The following LRRC70 variants were observed in gnomAD, a reference collection of about 807,000 sequenced individuals.
LRRC70 encodes leucine-rich repeat-containing protein 70.
In LRRC70, 31 loss-of-function variants were observed where a neutral mutation model predicts 42.4. The observed-to-expected ratio is 0.73, with a 90% CI of 0.55 to 0.99. The LOEUF (loss-of-function observed/expected upper bound fraction) is 0.99. Ranked by LOEUF, LRRC70 falls within the 50% of genes least tolerant of loss-of-function variation. The pLI is 0.00. For missense variants in LRRC70, 643 were observed against 707.5 expected, an observed-to-expected ratio of 0.91 and a Z score of 1.03; for synonymous variants, 270 against 262.9, an observed-to-expected ratio of 1.03 and a Z score of -0.26.
rs1429133966 is a variant in LRRC70, at chr5:62,579,941, T to A, written c.503T>A (p.Leu168His). 5.2e-6 allele frequency: 8 copies of A among 1,551,218 alleles called. No homozygotes were observed. Among genetic ancestry groups the A allele is most frequent in the Non-Finnish European group, 7.0e-6 (8 of 1,146,756 alleles). The change falls in exon 2 of 2, where the codon CTC becomes CAC. Residue 168 changes from leucine to histidine, a missense_variant. Leu to His is a moderately conservative substitution (Grantham distance 99, BLOSUM62 -3). Transcript: ENST00000334994. ...TACTTAAATCTACAAAGGAATCGCC[T>A]CACTGTCCTTGGGAGTGGTACCTTT... ...VQYLNLQRNR[L>H]TVLGSGTFVG... is the part of the protein sequence containing the mutation.
chr5:62,580,043 A>C lies in LRRC70; in HGVS notation c.605A>C (p.His202Pro). 1.3e-6 allele frequency: 2 copies of C among 1,551,258 alleles called. No individual in the cohort carries two copies. Among genetic ancestry groups the C allele is most frequent in the South Asian group, 1.2e-5 (1 of 84,058 alleles). Residue 202 changes from histidine to proline, a missense_variant, in exon 2 of 2, where the codon CAT becomes CCT. His to Pro is a moderately conservative substitution (Grantham distance 77). Transcript: ENST00000334994. Reference sequence around the variant, plus strand: ...AGGATATCAGAATCAGGCTTTCAACATCTTGAAAACCTTGCTTGTTTGTAT... The same window carrying C: ...AGGATATCAGAATCAGGCTTTCAACCTCTTGAAAACCTTGCTTGTTTGTAT... ...ILRISESGFQHLENLACLYLG... is the reference protein window; with the variant it reads ...ILRISESGFQPLENLACLYLG...
Position 62,580,600 on chromosome 5 carries a change from C to T in LRRC70, c.1162C>T (p.Pro388Ser). Reference protein sequence around the residue: ...AITLNIYCQNPPSMRGRALRY... With the variant: ...AITLNIYCQNSPSMRGRALRY... ...TACTCTAAACATCTATTGTCAGAATCCCCCATCCATGCGTGGCAGAGCATT... is the reference window on the plus strand; with the variant it reads ...TACTCTAAACATCTATTGTCAGAATTCCCCATCCATGCGTGGCAGAGCATT... The change falls in exon 2 of 2, where the codon CCC (proline) becomes TCC (serine). Residue 388 changes from proline (P) to serine (S), a missense_variant. Coordinates refer to ENST00000334994, the MANE Select transcript of LRRC70 (RefSeq NM_181506.5). The T allele has an allele frequency of 6.4e-7, 1 of 1,551,420 alleles. No individual in the cohort carries two copies. Among genetic ancestry groups the T allele is most frequent in the Non-Finnish European group, 8.7e-7 (1 of 1,146,810 alleles).
At position 62,580,735 on chromosome 5, in the gene LRRC70, G is replaced by C; in HGVS notation, c.1297G>C (p.Ala433Pro). Reference sequence around the variant, plus strand: ...TCACAAGACTACTGCGCTAATGATGGCCTGGCATAAAGTAACCACAAATGG... The same window carrying C: ...TCACAAGACTACTGCGCTAATGATGCCCTGGCATAAAGTAACCACAAATGG... Reference protein sequence around the residue: ...IHHKTTALMMAWHKVTTNGSP... With the variant: ...IHHKTTALMMPWHKVTTNGSP... The change falls in exon 2 of 2, where the codon GCC (alanine) becomes CCC (proline). Residue 433 changes from alanine (A) to proline (P), a missense_variant. Ala to Pro is a conservative substitution (Grantham distance 27). Transcript: ENST00000334994. 6.4e-7 allele frequency: 1 copy of C among 1,551,384 alleles called. No individual in the cohort carries two copies. Among genetic ancestry groups the C allele is most frequent in the Non-Finnish European group, 8.7e-7 (1 of 1,146,818 alleles).
Position 62,579,935 on chromosome 5 carries a change from A to G in LRRC70, c.497A>G (p.Asn166Ser), listed in dbSNP as rs1561371473. ...VSVQYLNLQR[N>S]RLTVLGSGTF... ...GTTCAGTACTTAAATCTACAAAGGA[A>G]TCGCCTCACTGTCCTTGGGAGTGGT... The change falls in exon 2 of 2, where the codon AAT (asparagine) becomes AGT (serine). Residue 166 changes from asparagine (N) to serine (S), a missense_variant. Physicochemically the swap from Asn to Ser is conservative, Grantham distance 46 (BLOSUM62 1). Transcript: ENST00000334994. 2.1e-5 allele frequency: 32 copies of G among 1,551,196 alleles called. No homozygotes were observed. Among genetic ancestry groups the G allele is most frequent in the Non-Finnish European group, 2.7e-5 (31 of 1,146,766 alleles).
At position 62,580,641 on chromosome 5, in the gene LRRC70, T is replaced by A; in HGVS notation, c.1203T>A (p.Ile401=). ...MRGRALRYIN[I]TNCVTSSINV... ...GCAGAGCATTACGTTATATTAACAT[T>A]ACAAATTGTGTTACATCTTCAATAA... The change falls in exon 2 of 2, where the codon ATT becomes ATA. Residue 401 remains isoleucine, a synonymous_variant. Transcript: ENST00000334994. 6.4e-7 allele frequency: 1 copy of A among 1,551,486 alleles called. No homozygotes were observed. The highest frequency in any genetic ancestry group is 2.4e-5 in the East Asian group (1 of 40,908).
At position 62,581,348 on chromosome 5, in the gene LRRC70, A is replaced by C; in HGVS notation, c.*41A>C. 7.0e-7 allele frequency: 1 copy of C among 1,420,316 alleles called. No homozygotes were observed. The highest frequency in any genetic ancestry group is 9.3e-7 in the Non-Finnish European group (1 of 1,078,234). 88.0% of individuals were successfully genotyped at this position (1,420,316 alleles called of 1,614,324 possible). A position where few individuals can be genotyped will look rare whatever the true frequency, so the allele number is the denominator to read the frequency against. Reference sequence around the variant, plus strand: ...TCTATAAGAAACTTCAGTGCCATGGACATGATTTAAACTGAAACCTCCTTA... The same window carrying C: ...TCTATAAGAAACTTCAGTGCCATGGCCATGATTTAAACTGAAACCTCCTTA... On this transcript the variant is annotated 3_prime_UTR_variant, in exon 2 of 2. Transcript: ENST00000334994.
In LRRC70 at chr5:62,579,798, C is replaced by T. The variant is rs746816763; in HGVS notation, c.360C>T (p.Ile120=). The change falls in exon 2 of 2, where the codon ATC becomes ATT. Residue 120 remains isoleucine, a synonymous_variant. Coordinates refer to ENST00000334994, the MANE Select transcript of LRRC70 (RefSeq NM_181506.5). ...LYFLFLNNNF[I]KRLDPGIFKG... The stretch of plus-strand genomic sequence containing the variant: ...TTCTATTTCTAAATAATAATTTCAT[C>T]AAACGCTTAGATCCTGGAATATTTA... 16 of 1,543,566 alleles carry T rather than the reference C, an allele frequency of 1.0e-5. No individual in the cohort carries two copies. Among genetic ancestry groups the T allele is most frequent in the Non-Finnish European group, 1.2e-5 (14 of 1,141,994 alleles).
chr5:62,579,338 T>A, intron 1 of LRRC70, 63 bp from the exon 2 acceptor site: 1 of 1,029,908 alleles, frequency 9.7e-7, no homozygotes, highest in Middle Eastern at 2.1e-4. Context: ...AGTTATAGTA[T>A]TATAAAAAAA....
At position 62,579,765 on chromosome 5, in the gene LRRC70, T is replaced by A; in HGVS notation, c.327T>A (p.His109Gln). ...CAAAAGCCTTTGTTCAATTGAGGCA[T>A]CTATATTTTCTATTTCTAAATAATA... ...VYPKAFVQLR[H>Q]LYFLFLNNNF... is the part of the protein sequence containing the mutation. The change falls in exon 2 of 2, where the codon CAT becomes CAA. Residue 109 changes from histidine (H) to glutamine (Q), a missense_variant. His to Gln is a conservative substitution (Grantham distance 24, BLOSUM62 0). Coordinates refer to ENST00000334994, the MANE Select transcript of LRRC70 (RefSeq NM_181506.5). 1.3e-6 allele frequency: 2 copies of A among 1,542,836 alleles called. No homozygotes were observed. The highest frequency in any genetic ancestry group is 1.8e-6 in the Non-Finnish European group (2 of 1,141,052).
Position 62,580,543 on chromosome 5 carries a change from G to A in LRRC70, c.1105G>A (p.Gly369Ser), listed in dbSNP as rs1212647220. Residue 369 changes from glycine (G) to serine (S), a missense_variant, in exon 2 of 2, where the codon GGC becomes AGC. Coordinates refer to ENST00000334994, the MANE Select transcript of LRRC70 (RefSeq NM_181506.5). Reference protein sequence around the residue: ...NPWECNCKLLGLRDWLASSAI... With the variant: ...NPWECNCKLLSLRDWLASSAI... ...TTGGGAATGTAACTGCAAACTTTTGGGCCTTCGAGACTGGCTAGCATCTTC... is the reference window on the plus strand; with the variant it reads ...TTGGGAATGTAACTGCAAACTTTTGAGCCTTCGAGACTGGCTAGCATCTTC... 1.3e-6 allele frequency: 2 copies of A among 1,551,254 alleles called. No homozygotes were observed. Among genetic ancestry groups the A allele is most frequent in the Non-Finnish European group, 1.7e-6 (2 of 1,146,792 alleles).
rs1468350387 is a variant in LRRC70 at position 62,581,184 on chromosome 5, C to T, written c.1746C>T (p.Ala582=). 1 of 1,550,918 alleles carries T rather than the reference C, an allele frequency of 6.4e-7. No individual in the cohort carries two copies. The highest frequency in any genetic ancestry group is 1.4e-5 in the African/African-American group (1 of 72,970). The part of the protein sequence containing the change: ...FYQSARYNVT[A]SICNTSPNSL... ...AGTCAGCAAGGTATAATGTAACTGC[C>T]TCAATTTGTAACACTTCCCCAAATT... Residue 582 remains alanine (A), a synonymous_variant, in exon 2 of 2, where the codon GCC becomes GCT. Coordinates refer to ENST00000334994, the MANE Select transcript of LRRC70 (RefSeq NM_181506.5).
rs1295908876 is a variant in LRRC70, at chr5:62,580,362, T to A, written c.924T>A (p.Asp308Glu). 3.9e-6 allele frequency: 6 copies of A among 1,546,628 alleles called. No homozygotes were observed. The highest frequency in any genetic ancestry group is 4.4e-6 in the Non-Finnish European group (5 of 1,142,522). ...LLKNLIYLKL[D>E]RNRIISIDND... is the part of the protein sequence containing the mutation. ...AGAATTTAATTTACCTTAAGTTAGATAGAAACAGAATAATTAGCATTGATA... is the reference window on the plus strand; with the variant it reads ...AGAATTTAATTTACCTTAAGTTAGAAAGAAACAGAATAATTAGCATTGATA... The change falls in exon 2 of 2, where the codon GAT (aspartate) becomes GAA (glutamate). Residue 308 changes from aspartate to glutamate, a missense_variant. Asp to Glu is a conservative substitution (Grantham distance 45, BLOSUM62 2). Coordinates refer to ENST00000334994, the MANE Select transcript of LRRC70 (RefSeq NM_181506.5).
In LRRC70 at chr5:62,581,407, A is replaced by T. The variant is rs1377104211; in HGVS notation, c.*100A>T. 1.1e-6 allele frequency: 1 copy of T among 900,200 alleles called. No individual in the cohort carries two copies. The highest frequency in any genetic ancestry group is 1.6e-6 in the Non-Finnish European group (1 of 617,644). The allele number at this position is 900,200 out of a possible 1,614,324, so 55.8% of individuals were successfully genotyped here. On this transcript the variant is annotated 3_prime_UTR_variant, in exon 2 of 2. Coordinates refer to ENST00000334994, the MANE Select transcript of LRRC70 (RefSeq NM_181506.5). ...TATACTTTAGTTGGAAATATAATGA[A>T]TTATATGAGGTTAGCATTATTAAAA...
chr5:62,579,083 G>A (rs1744438381), intron 1 of LRRC70, 148 bp downstream of exon 1: 5 of 269,682 alleles, frequency 1.9e-5, no homozygotes, highest in South Asian at 1.2e-4. Flanking sequence ...TGTTGTTAAA[G>A]GGACATATTA....
In LRRC70 at chr5:62,579,851, A is replaced by ACAG; in HGVS notation, c.413_414insCAG (p.Tyr138_Leu139insSer). On this transcript the variant is annotated inframe_insertion, in exon 2 of 2. Coordinates refer to ENST00000334994, the MANE Select transcript of LRRC70 (RefSeq NM_181506.5). ...GGACTTTTAAATCTTCGTAATTTATATTTACAGTATAATCAGGTATCTTTT... is the reference window on the plus strand; with the variant it reads ...GGACTTTTAAATCTTCGTAATTTATACAGTTTACAGTATAATCAGGTATCTTTT... The ACAG allele has an allele frequency of 6.5e-7, 1 of 1,548,970 alleles. No individual in the cohort carries two copies. Among genetic ancestry groups the ACAG allele is most frequent in the South Asian group, 1.2e-5 (1 of 83,800 alleles).
rs1744515343 is a variant in LRRC70, at chr5:62,580,658, C to G, written c.1220C>G (p.Ser407Cys). ...RYINITNCVT[S>C]SINVSRAWAV... ...ATTAACATTACAAATTGTGTTACAT[C>G]TTCAATAAATGTATCCAGAGCTTGG... Residue 407 changes from serine (S) to cysteine (C), a missense_variant, in exon 2 of 2, where the codon TCT (serine) becomes TGT (cysteine). By Grantham distance (112) the Ser-to-Cys change is moderately radical. Transcript: ENST00000334994. 2 of 1,551,332 alleles carry G rather than the reference C, an allele frequency of 1.3e-6. No homozygotes were observed. The highest frequency in any genetic ancestry group is 1.7e-6 in the Non-Finnish European group (2 of 1,146,842).
chr5:62,580,004 A>C lies in LRRC70; in HGVS notation c.566A>C (p.Asn189Thr). The C allele has an allele frequency of 2.6e-6, 4 of 1,551,298 alleles. No individual in the cohort carries two copies. Among genetic ancestry groups the C allele is most frequent in the Non-Finnish European group, 3.5e-6 (4 of 1,146,746 alleles). Residue 189 changes from asparagine to threonine, a missense_variant, in exon 2 of 2, where the codon AAC becomes ACC. Physicochemically the swap from Asn to Thr is moderately conservative, Grantham distance 65. Coordinates refer to ENST00000334994, the MANE Select transcript of LRRC70 (RefSeq NM_181506.5). ...GCTCTTCGGATACTTGATTTATCAAACAATAACATTTTGAGGATATCAGAA... is the reference window on the plus strand; with the variant it reads ...GCTCTTCGGATACTTGATTTATCAACCAATAACATTTTGAGGATATCAGAA... Reference protein sequence around the residue: ...MVALRILDLSNNNILRISESG... With the variant: ...MVALRILDLSTNNILRISESG...
Position 62,580,005 on chromosome 5 carries a change from C to T in LRRC70, c.567C>T (p.Asn189=). Residue 189 remains asparagine, a synonymous_variant, in exon 2 of 2, where the codon AAC becomes AAT. Transcript: ENST00000334994. ...MVALRILDLS[N]NNILRISESG... is the part of the protein sequence containing the mutation. ...CTCTTCGGATACTTGATTTATCAAACAATAACATTTTGAGGATATCAGAAT... is the reference window on the plus strand; with the variant it reads ...CTCTTCGGATACTTGATTTATCAAATAATAACATTTTGAGGATATCAGAAT... The T allele has an allele frequency of 6.4e-7, 1 of 1,551,212 alleles. No individual in the cohort carries two copies. The highest frequency in any genetic ancestry group is 8.7e-7 in the Non-Finnish European group (1 of 1,146,726).
In LRRC70 at chr5:62,580,411, G is replaced by T; in HGVS notation, c.973G>T (p.Ala325Ser). The change falls in exon 2 of 2, where the codon GCA becomes TCA. Residue 325 changes from alanine (A) to serine (S), a missense_variant. By Grantham distance (99) the Ala-to-Ser change is moderately conservative. Transcript: ENST00000334994. The stretch of plus-strand genomic sequence containing the variant: ...TAATGATACATTTGAAAATATGGGA[G>T]CATCTTTGAAGATCCTTAATCTGTC... Reference protein sequence around the residue: ...IDNDTFENMGASLKILNLSFN... With the variant: ...IDNDTFENMGSSLKILNLSFN... 2 of 1,551,140 alleles carry T rather than the reference G, an allele frequency of 1.3e-6. No individual in the cohort carries two copies. Among genetic ancestry groups the T allele is most frequent in the Non-Finnish European group, 1.7e-6 (2 of 1,146,570 alleles).
Sources: allele counts gnomAD v4.1 joint callset, GRCh38; gene constraint gnomAD v4.1.1; transcripts MANE v1.5; gene names NCBI Gene and HGNC (gene_info 2026-07-23, HGNC 2026-07-21).